AP2A1: variants seen among roughly 807,000 people sequenced by gnomAD.
AP2A1 encodes the protein adaptor related protein complex 2 subunit alpha 1.
Under a neutral mutation model 107.3 loss-of-function variants are expected in AP2A1, and 21 were observed. The observed-to-expected ratio is 0.20, with a 90% CI of 0.14 to 0.28. The LOEUF (loss-of-function observed/expected upper bound fraction) is 0.28, where lower values mean the gene tolerates loss of function less well. AP2A1 is among the 10% of genes least tolerant of loss of function. The pLI, the probability that AP2A1 is intolerant of heterozygous loss-of-function variation, is 1.00. For missense variants in AP2A1, 873 were observed against 1,307.7 expected, an observed-to-expected ratio of 0.67 and a Z score of 5.13; for synonymous variants, 602 against 564.8, an observed-to-expected ratio of 1.07 and a Z score of -0.93.
chr19:49,782,976 C>T (rs1232754653), intron 4 of AP2A1, among the ~76,000 whole-genome samples: 1 of 152,246 alleles, frequency 6.6e-6, no homozygotes, highest in African/African-American at 2.4e-5. Context: ...AGAATTCTAA[C>T]ACCTACGATA....
At position 49,781,724 on chromosome 19, in the gene AP2A1, C is replaced by G. The variant is rs146134097; in HGVS notation, c.68-33C>G. 3.2e-4 allele frequency: 506 copies of G among 1,563,374 alleles called. 2 individuals are homozygous for G. The East Asian group carries it at 8.6e-3, about 27-fold the overall frequency. ...AGGGCAGGTGGCTGACTCCCCAGAC[C>G]CCTCACTGCCTACCCTCCTCCTCCT... On this transcript the variant is annotated intron_variant, in intron 1 of 22. Transcript: ENST00000354293.
chr19:49,782,632 C>T lies in AP2A1; in HGVS notation c.381C>T (p.Phe127=), dbSNP rs753152242. The T allele has an allele frequency of 3.1e-6, 5 of 1,613,780 alleles. No individual in the cohort carries two copies. The highest frequency in any genetic ancestry group is 1.7e-4 in the Middle Eastern group (1 of 6,060). ...ACCTGGCCAGCCGCAACCCCACCTT[C>T]ATGTGCCTGGCCCTGCACTGCATCG... ...KNDLASRNPT[F]MCLALHCIAN... is the part of the protein sequence containing the mutation. Residue 127 remains phenylalanine (F), a synonymous_variant, in exon 4 of 23, where the codon TTC becomes TTT. Coordinates refer to ENST00000354293, the MANE Select transcript of AP2A1 (RefSeq NM_130787.3).
intron 7 of AP2A1, among the ~76,000 whole-genome samples, chr19:49,798,349 A>G (rs893495027): frequency 1.3e-5 from 2 of 152,110 alleles, no homozygotes; most frequent in Admixed American, 6.5e-5. Flanking sequence ...CTCTTGCTGA[A>G]TGGACACTTG....
At chr19:49,786,118 G>A (rs950721370) in intron 4 of AP2A1, among the ~76,000 whole-genome samples, 3 of 151,882 alleles carry the variant, frequency 2.0e-5, no homozygotes, top group Non-Finnish European at 4.4e-5. Flanking sequence ...ATACAAATGT[G>A]TGCCTGTAAT....
At chr19:49,800,287 C>T in intron 11 of AP2A1, 137 bp downstream of exon 11, 2 of 1,126,646 alleles carry the variant, frequency 1.8e-6, no homozygotes, top group Admixed American at 2.6e-5. Context: ...AATGGGGCCT[C>T]TGCCTCTCTG....
rs747747341 is a variant in AP2A1 at position 49,795,747 on chromosome 19, C to G, written c.814+9C>G. 6.5e-7 allele frequency: 1 copy of G among 1,534,830 alleles called. No individual in the cohort carries two copies. The highest frequency in any genetic ancestry group is 8.8e-7 in the Non-Finnish European group (1 of 1,134,702). ...GTGCTACCCGCCTCCAGGTAATGAA[C>G]GCCGTGCACTCCCCAACCCGGGGTG... On this transcript the variant is annotated intron_variant, in intron 7 of 22. Coordinates refer to ENST00000354293, the MANE Select transcript of AP2A1 (RefSeq NM_130787.3).
chr19:49,771,088 G>A (rs1438025917), intron 1 of AP2A1, among the ~76,000 whole-genome samples: 1 of 151,792 alleles, frequency 6.6e-6, no homozygotes, highest in South Asian at 2.1e-4. Flanking sequence ...CTGGCCTCAG[G>A]TGATCCACTA....
intron 18 of AP2A1, 62 bp downstream of exon 18, chr19:49,803,438 A>G: frequency 7.1e-7 from 1 of 1,416,664 alleles, no homozygotes. Context: ...CACCGTGGGG[A>G]AGCCGGCTGA....
intron 8 of AP2A1, 141 bp from the exon 9 acceptor site, chr19:49,799,186 G>A: frequency 8.6e-7 from 1 of 1,156,942 alleles, no homozygotes; most frequent in Non-Finnish European, 1.2e-6. Flanking sequence ...GGTCACTGGA[G>A]GTGCAGTACT....
At chr19:49,806,357 A>G (rs2073383007) in intron 22 of AP2A1, 104 bp downstream of exon 22, 16 of 1,189,810 alleles carry the variant, frequency 1.3e-5, no homozygotes, top group Non-Finnish European at 1.7e-5. Context: ...CCCCACTTTG[A>G]CCCTCCTCCT....
At position 49,778,994 on chromosome 19, in the gene AP2A1, G is replaced by A. The variant is rs567367123; in HGVS notation, c.68-2763G>A. 1.6e-4 allele frequency among the ~76,000 whole-genome samples: 23 copies of A among 147,394 alleles called. 2 individuals are homozygous for A. In the South Asian group the frequency reaches 4.7e-3, roughly 30 times the overall value. On this transcript the variant is annotated intron_variant, in intron 1 of 22. Coordinates refer to ENST00000354293, the MANE Select transcript of AP2A1 (RefSeq NM_130787.3). The stretch of plus-strand genomic sequence containing the variant: ...GTGGATCACTTGAAGTCAGGAGTTC[G>A]AGATCAGCCTGGGCAACATAGTAAG...
rs1213579233 is a variant in AP2A1, at chr19:49,799,478, G to A, written c.1117G>A (p.Val373Ile). ...HEAVKTHIDT[V>I]INALKTERDV... ...AGCCGTCAAGACGCACATTGACACC[G>A]TCATCAATGCCCTCAAGGTGTGAGC... is the stretch of plus-strand genomic sequence containing the variant. The change falls in exon 9 of 23, where the codon GTC becomes ATC. Residue 373 changes from valine (V) to isoleucine (I), a missense_variant. Coordinates refer to ENST00000354293, the MANE Select transcript of AP2A1 (RefSeq NM_130787.3). The A allele has an allele frequency of 5.0e-6, 8 of 1,611,256 alleles. No homozygotes were observed. Among genetic ancestry groups the A allele is most frequent in the African/African-American group, 1.3e-5 (1 of 74,894 alleles).
Position 49,806,929 on chromosome 19 carries a change from G to A in AP2A1, c.*171G>A. On this transcript the variant is annotated 3_prime_UTR_variant, in exon 23 of 23. Transcript: ENST00000354293. Reference sequence around the variant, plus strand: ...TTTTTATTTTTGTTCATCTGCTGCTGTTTACATTCTGGGGGGTTAGGGGGA... The same window carrying A: ...TTTTTATTTTTGTTCATCTGCTGCTATTTACATTCTGGGGGGTTAGGGGGA... 6.5e-7 allele frequency: 1 copy of A among 1,534,938 alleles called. No individual in the cohort carries two copies. The highest frequency in any genetic ancestry group is 8.7e-7 in the Non-Finnish European group (1 of 1,146,862).
intron 4 of AP2A1, among the ~76,000 whole-genome samples, chr19:49,783,360 G>A (rs569904332): frequency 5.7e-4 from 86 of 152,192 alleles, no homozygotes; most frequent in African/African-American, 2.0e-3. Context: ...GCATGGTGGC[G>A]TGCACCTATA....
At position 49,785,217 on chromosome 19, in the gene AP2A1, A is replaced by G. The variant is rs1005510732; in HGVS notation, c.473+2493A>G. 2.0e-5 allele frequency among the ~76,000 whole-genome samples: 3 copies of G among 152,234 alleles called. No individual in the cohort carries two copies. The highest frequency in any genetic ancestry group is 4.4e-5 in the Non-Finnish European group (3 of 68,028). On this transcript the variant is annotated intron_variant, in intron 4 of 22. Transcript: ENST00000354293. This position sits in a 1 kb window ranked among gnomAD's most constrained non-coding sequence, Gnocchi z 4.1. ...TCAAATAGGCCAGGAAATCATAAGC[A>G]AAAGTACAGACTGTAGGGGGTGACT...
chr19:49,805,888 C>T lies in AP2A1; in HGVS notation c.2602C>T (p.Gln868Ter), dbSNP rs764487680. The T allele has an allele frequency of 6.2e-7, 1 of 1,613,862 alleles. No homozygotes were observed. The highest frequency in any genetic ancestry group is 8.5e-7 in the Non-Finnish European group (1 of 1,179,898). ...GGTCCCCAGCCCTCAACAGGAGGCG[C>T]AGAAAATCTTCAAAGCCAACCACCC... ...KQLSLPQQEA[Q>*]KIFKANHPMD... The change falls in exon 21 of 23, where the codon CAG becomes TAG. Residue 868 changes from glutamine (Q) to a stop codon, truncating the protein, a stop_gained. Coordinates refer to ENST00000354293, the MANE Select transcript of AP2A1 (RefSeq NM_130787.3). LOFTEE classifies it high-confidence loss of function.
At chr19:49,789,837 C>T (rs2073120262) in intron 4 of AP2A1, among the ~76,000 whole-genome samples, 2 of 152,300 alleles carry the variant, frequency 1.3e-5, no homozygotes, top group South Asian at 4.1e-4. Flanking sequence ...ATCTGTGCCC[C>T]ACAGTCACAA....
intron 7 of AP2A1, chr19:49,796,780 T>C (rs1368351364): frequency 6.6e-6 from 1 of 152,262 alleles, no homozygotes; most frequent in East Asian, 1.9e-4. Flanking sequence ...TATCAGTGTG[T>C]GCATCTACAT....
rs1348637394 is a variant in AP2A1 at position 49,802,039 on chromosome 19, C to T, written c.2012C>T (p.Ala671Val). The part of the protein sequence containing the change: ...LGLRAAPPPA[A>V]PPASAGAGNL... ...CTGCGGGCAGCCCCTCCCCCGGCAG[C>T]ACCCCCGGCTTCTGCAGGAGCAGGG... Residue 671 changes from alanine to valine, a missense_variant, in exon 15 of 23, where the codon GCA (alanine) becomes GTA (valine). Transcript: ENST00000354293. 1 of 1,573,096 alleles carries T rather than the reference C, an allele frequency of 6.4e-7. No homozygotes were observed. Among genetic ancestry groups the T allele is most frequent in the Non-Finnish European group, 8.6e-7 (1 of 1,164,124 alleles).
Sources: allele counts gnomAD v4.1 joint callset (sites outside exome capture counted in the v4.1 genomes callset), GRCh38; gene constraint gnomAD v4.1.1; non-coding constraint Gnocchi (gnomAD v3.1); transcripts MANE v1.5; gene names NCBI Gene and HGNC (gene_info 2026-07-23, HGNC 2026-07-21).